Variants in IPMK observed in about 807,000 individuals in gnomAD.
IPMK encodes the protein inositol 1,3,4,6-tetrakisphosphate 5-kinase.
IPMK carries 17 observed loss-of-function variants against 45.8 expected under a neutral mutation model. The observed-to-expected ratio is 0.37, with a 90% CI of 0.25 to 0.56. The LOEUF (loss-of-function observed/expected upper bound fraction) is 0.56. IPMK is among the 20% of genes least tolerant of loss of function. IPMK has a pLI of 0.79. For missense variants in IPMK, 399 were observed against 498.0 expected (o/e 0.80, Z 1.89); for synonymous variants, 180 against 184.3 (o/e 0.98, Z 0.19).
intron 3 of IPMK, among the ~76,000 whole-genome samples, chr10:58,221,948 C>T (rs1838343436): frequency 6.6e-6 from 1 of 152,090 alleles, no homozygotes; most frequent in African/African-American, 2.4e-5. Context: ...AGGGTTTCAC[C>T]ATGTTGGCCA....
chr10:58,237,650 ATG>A (rs1303346186), intron 2 of IPMK, 77 bp downstream of exon 2: 1 of 1,012,364 alleles, frequency 9.9e-7, no homozygotes, highest in Non-Finnish European at 1.6e-6. Context: ...GCTGTCAAAT[ATG>A]TGTCTTACTG....
At chr10:58,256,188 CAG>C (rs1838964773) in intron 1 of IPMK, among the ~76,000 whole-genome samples, 1 of 152,158 alleles carries the variant, frequency 6.6e-6, no homozygotes, top group Non-Finnish European at 1.5e-5. Flanking sequence ...CCAGGCAGAA[CAG>C]AGTCATATTT....
chr10:58,260,367 T>A (rs2132267277), intron 1 of IPMK, among the ~76,000 whole-genome samples: 1 of 152,354 alleles, frequency 6.6e-6, no homozygotes, highest in South Asian at 2.1e-4. Flanking sequence ...CTGTAAATGA[T>A]ATTATTGGAA....
At chr10:58,214,872 A>G (rs1487004306) in intron 4 of IPMK, among the ~76,000 whole-genome samples, 1 of 152,214 alleles carries the variant, frequency 6.6e-6, no homozygotes, top group Non-Finnish European at 1.5e-5. Flanking sequence ...AATGGCCTCA[A>G]CAAAATTCTC....
At chr10:58,252,611 CTTTTTTTT>C (rs113777957) in intron 1 of IPMK, among the ~76,000 whole-genome samples, 53 of 111,248 alleles carry the variant, frequency 4.8e-4, no homozygotes, top group African/African-American at 1.7e-3. Context: ...GTTTTCTTTT[CTTTTTTTT>C]TTTTTTTTTT....
At chr10:58,217,798 T>C (rs1263906847) in intron 3 of IPMK, among the ~76,000 whole-genome samples, 2 of 151,384 alleles carry the variant, frequency 1.3e-5, no homozygotes, top group African/African-American at 4.9e-5. Context: ...ACAGAAAAGA[T>C]TACTATCAGT....
intron 4 of IPMK, among the ~76,000 whole-genome samples, chr10:58,201,030 T>C (rs976418146): frequency 1.3e-5 from 2 of 152,222 alleles, no homozygotes; most frequent in East Asian, 1.9e-4. Context: ...TGAAATTTAT[T>C]TGATGAACAA....
rs1440385703 is a variant in IPMK, at chr10:58,193,341, AAAGT to A, written c.*2731_*2734del. On this transcript the variant is annotated 3_prime_UTR_variant, in exon 6 of 6. Transcript: ENST00000373935. ...AGAGCAAACTGTAGTGTAAAGAGGAAAAGTAAGTACAATCTTTCCAGACACACAA... is the reference window on the plus strand; with the variant it reads ...AGAGCAAACTGTAGTGTAAAGAGGAAAAGTACAATCTTTCCAGACACACAA... The A allele has an allele frequency of 3.3e-5, 5 of 151,942 alleles. No individual in the cohort carries two copies. The highest frequency in any genetic ancestry group is 6.6e-5 in the Admixed American group (1 of 15,262). The allele number at this position is 151,942 out of a possible 1,614,324, so 9.4% of individuals were successfully genotyped here.
At position 58,194,207 on chromosome 10, in the gene IPMK, ATCT is replaced by A. The variant is rs749630978; in HGVS notation, c.*1866_*1868del. 8.6e-4 allele frequency: 131 copies of A among 151,980 alleles called. No individual in the cohort carries two copies. The highest frequency in any genetic ancestry group is 1.4e-3 in the Non-Finnish European group (96 of 67,736). 9.4% of individuals were successfully genotyped at this position (151,980 alleles called of 1,614,324 possible). A position where few individuals can be genotyped will look rare whatever the true frequency, so the allele number is the denominator to read the frequency against. On this transcript the variant is annotated 3_prime_UTR_variant, in exon 6 of 6. Transcript: ENST00000373935. ...CATCCCATACAAAAAAAGCCTCAGT[ATCT>A]TGTTAAGATTCAAAATAGTGTTTAA...
intron 1 of IPMK, among the ~76,000 whole-genome samples, chr10:58,248,833 A>G (rs960105596): frequency 2.0e-5 from 3 of 152,154 alleles, no homozygotes; most frequent in Non-Finnish European, 2.9e-5. Flanking sequence ...TCATATAATG[A>G]GCTCCAATTC....
intron 1 of IPMK, among the ~76,000 whole-genome samples, chr10:58,248,499 A>G (rs896136461): frequency 2.0e-5 from 3 of 152,232 alleles, no homozygotes; most frequent in African/African-American, 7.2e-5. Context: ...GTAATGATCA[A>G]ATAAGGGCAA....
chr10:58,207,225 G>A (rs1431805249), intron 4 of IPMK, among the ~76,000 whole-genome samples: 1 of 152,128 alleles, frequency 6.6e-6, no homozygotes, highest in Non-Finnish European at 1.5e-5. Flanking sequence ...GGATGGTCTC[G>A]ATCTCCTGAC....
chr10:58,199,563 A>G (rs1235308386), intron 4 of IPMK, among the ~76,000 whole-genome samples: 1 of 152,222 alleles, frequency 6.6e-6, no homozygotes, highest in Non-Finnish European at 1.5e-5. Flanking sequence ...CAATATGATA[A>G]AACTATCTAC....
At position 58,196,282 on chromosome 10, in the gene IPMK, T is replaced by C. The variant is rs149331771; in HGVS notation, c.1045A>G (p.Met349Val). 3.7e-5 allele frequency: 59 copies of C among 1,614,148 alleles called. 1 individual carries two copies. In the Middle Eastern group the frequency reaches 1.2e-3, roughly 32 times the overall value. Residue 349 changes from methionine to valine, a missense_variant, in exon 6 of 6, where the codon ATG becomes GTG. Physicochemically the swap from Met to Val is conservative, Grantham distance 21. This residue lies in a region of IPMK where 288 missense variants were observed against 398.0 expected (regional missense o/e 0.72). Coordinates refer to ENST00000373935, the MANE Select transcript of IPMK (RefSeq NM_152230.5). ...NLEQDNGWKS[M>V]SQEHLNGNVL... ...TTTCCATTTAAATGTTCCTGTGACA[T>C]GCTTTTCCACCCATTGTCTTGCTCC...
At chr10:58,216,847 C>T (rs1466934046) in intron 3 of IPMK, among the ~76,000 whole-genome samples, 1 of 152,180 alleles carries the variant, frequency 6.6e-6, no homozygotes, top group African/African-American at 2.4e-5. Context: ...AGGAAAAACA[C>T]GAATCTTGCT....
At chr10:58,241,941 A>G (rs924596571) in intron 1 of IPMK, among the ~76,000 whole-genome samples, 1 of 151,832 alleles carries the variant, frequency 6.6e-6, no homozygotes, top group African/African-American at 2.4e-5. Flanking sequence ...TCAACTCCTC[A>G]TTAGATTGGT....
intron 1 of IPMK, among the ~76,000 whole-genome samples, chr10:58,257,342 A>C (rs1358080868): frequency 6.6e-6 from 1 of 152,036 alleles, no homozygotes; most frequent in African/African-American, 2.4e-5. Context: ...TAAAAACACA[A>C]AGATTAGCTG....
At chr10:58,248,703 C>T (rs2790172) in intron 1 of IPMK, among the ~76,000 whole-genome samples, 51,470 of 152,048 alleles carry the variant, frequency 0.34, 10,963 homozygotes, top group African/African-American at 0.61. Flanking sequence ...TCCCAACAAC[C>T]TTTCCCAGCT....
chr10:58,193,676 T>A lies in IPMK; in HGVS notation c.*2400A>T, dbSNP rs925106525. On this transcript the variant is annotated 3_prime_UTR_variant, in exon 6 of 6. Transcript: ENST00000373935. ...AATACACTAAAATCATTACTTATGT[T>A]TCATAGGGGAAAAAAAACTATGAGA... is the stretch of plus-strand genomic sequence containing the variant. 2.0e-5 allele frequency: 3 copies of A among 151,790 alleles called. No homozygotes were observed. The highest frequency in any genetic ancestry group is 4.4e-5 in the Non-Finnish European group (3 of 67,714). 9.4% of individuals were successfully genotyped at this position (151,790 alleles called of 1,614,324 possible).
Sources: allele counts gnomAD v4.1 joint callset (sites outside exome capture counted in the v4.1 genomes callset), GRCh38; gene constraint gnomAD v4.1.1; regional missense constraint gnomAD v4.1.1; transcripts MANE v1.5; gene names NCBI Gene and HGNC (gene_info 2026-07-23, HGNC 2026-07-21).